IMPG1: variants seen among roughly 807,000 people sequenced by gnomAD.
IMPG1 encodes interphotoreceptor matrix proteoglycan of 150 kDa.
In IMPG1, 85 loss-of-function variants were observed where a neutral mutation model predicts 92.0. That is an observed-to-expected ratio of 0.92 (90% CI 0.78 to 1.11). The LOEUF is 1.11. IMPG1 is among the 50% of genes least tolerant of loss of function. IMPG1 has a pLI of 0.00. For synonymous variants in IMPG1, 367 were observed against 334.1 expected, an observed-to-expected ratio of 1.10 and a Z score of -1.08; for missense variants, 1,022 against 956.0, an observed-to-expected ratio of 1.07 and a Z score of -0.91.
intron 7 of IMPG1, among the ~76,000 whole-genome samples, chr6:76,014,283 C>G (rs1783244795): frequency 6.6e-6 from 1 of 152,194 alleles, no homozygotes; most frequent in South Asian, 2.1e-4. Context: ...CAAGTGAGCA[C>G]ACGGCATGGA....
At chr6:76,024,440 G>C (rs1332504840) in intron 5 of IMPG1, among the ~76,000 whole-genome samples, 2 of 152,076 alleles carry the variant, frequency 1.3e-5, no homozygotes, top group Admixed American at 6.5e-5. Flanking sequence ...ATACATGAAA[G>C]AGAAATTTCA....
At chr6:76,005,249 A>G (rs1783073145) in intron 10 of IMPG1, 38 bp downstream of exon 10, 1 of 1,599,222 alleles carries the variant, frequency 6.3e-7, no homozygotes, top group Non-Finnish European at 8.5e-7. Context: ...CTCTGCCAAA[A>G]TGAGAATAAA....
chr6:76,024,623 A>T (rs1212116126), intron 5 of IMPG1, among the ~76,000 whole-genome samples: 3 of 151,810 alleles, frequency 2.0e-5, no homozygotes, highest in Non-Finnish European at 2.9e-5. Flanking sequence ...GGCAAAATTT[A>T]TTAAAAGCCT....
At chr6:75,927,639 T>C (rs916362486) in intron 15 of IMPG1, among the ~76,000 whole-genome samples, 1 of 151,990 alleles carries the variant, frequency 6.6e-6, no homozygotes, top group Non-Finnish European at 1.5e-5. Flanking sequence ...TAAAAAGGAA[T>C]ATTCAGGAAG....
At chr6:76,009,731 T>C (rs1783152917) in intron 8 of IMPG1, among the ~76,000 whole-genome samples, 1 of 152,240 alleles carries the variant, frequency 6.6e-6, no homozygotes, top group Non-Finnish European at 1.5e-5. Flanking sequence ...GATATATCTT[T>C]AAAATATTTA....
chr6:76,061,139 C>T (rs560486409), intron 1 of IMPG1, among the ~76,000 whole-genome samples: 9 of 152,110 alleles, frequency 5.9e-5, no homozygotes, highest in Non-Finnish European at 1.3e-4. Flanking sequence ...ATGCAATAGT[C>T]CCTTAGTGAC....
At chr6:75,944,110 CTGATTACATGGG>C (rs1364982084) in intron 14 of IMPG1, among the ~76,000 whole-genome samples, 1 of 152,190 alleles carries the variant, frequency 6.6e-6, no homozygotes, top group Non-Finnish European at 1.5e-5. Context: ...TGCCCACTTC[CTGATTACATGGG>C]TGAACCCAGC....
intron 6 of IMPG1, among the ~76,000 whole-genome samples, chr6:76,019,185 T>C (rs542823830): frequency 6.6e-6 from 1 of 152,280 alleles, no homozygotes; most frequent in Non-Finnish European, 1.5e-5. Flanking sequence ...GGATCTGGAC[T>C]TGGTCTCCAT....
chr6:76,004,101 G>A, intron 10 of IMPG1, 151 bp from the exon 11 acceptor site: 1 of 604,966 alleles, frequency 1.7e-6, no homozygotes, highest in Non-Finnish European at 2.9e-6. Flanking sequence ...ATAGAAAAAA[G>A]GTCATTAATC....
rs1270631938 is a variant in IMPG1, at chr6:76,022,144, G to C, written c.638C>G (p.Thr213Arg). The C allele has an allele frequency of 6.3e-7, 1 of 1,592,568 alleles. No individual in the cohort carries two copies. The highest frequency in any genetic ancestry group is 8.6e-7 in the Non-Finnish European group (1 of 1,164,558). ...TGTAGGCATCTTGGTGTCGTTGAGT[G>C]TATTATCGAGAATTTCATTGAGGAG... ...DTLLNEILDNTLNDTKMPTTE... is the reference protein window; with the variant it reads ...DTLLNEILDNRLNDTKMPTTE... The change falls in exon 6 of 17, where the codon ACA (threonine) becomes AGA (arginine). Residue 213 changes from threonine (T) to arginine (R), a missense_variant. Coordinates refer to ENST00000369950, the MANE Select transcript of IMPG1 (RefSeq NM_001563.4).
At chr6:75,929,295 A>G (rs1056506151) in intron 15 of IMPG1, among the ~76,000 whole-genome samples, 9 of 152,042 alleles carry the variant, frequency 5.9e-5, no homozygotes, top group African/African-American at 2.2e-4. Context: ...AATTCAAATG[A>G]TATCTCCTAA....
intron 7 of IMPG1, 74 bp from the exon 8 acceptor site, chr6:76,011,298 A>G: frequency 1.3e-6 from 1 of 746,416 alleles, no homozygotes; most frequent in East Asian, 2.5e-5. Context: ...GAAAAACCTG[A>G]ACACTTTTGA....
At chr6:76,066,584 C>T (rs1562390646) in intron 1 of IMPG1, among the ~76,000 whole-genome samples, 1 of 152,008 alleles carries the variant, frequency 6.6e-6, no homozygotes, top group Non-Finnish European at 1.5e-5. Context: ...ACAAAAGAGG[C>T]AGCAATACAA....
At chr6:75,938,053 G>C (rs1284501066) in intron 14 of IMPG1, among the ~76,000 whole-genome samples, 2 of 152,212 alleles carry the variant, frequency 1.3e-5, no homozygotes, top group Non-Finnish European at 2.9e-5. Flanking sequence ...CGGTTTTTCA[G>C]TTGATAAATC....
At chr6:75,976,363 A>C (rs1782532656) in intron 12 of IMPG1, among the ~76,000 whole-genome samples, 1 of 152,098 alleles carries the variant, frequency 6.6e-6, no homozygotes, top group African/African-American at 2.4e-5. Flanking sequence ...GGAGTTTAAG[A>C]CCAGCCTGAG....
In IMPG1 at chr6:75,947,516, T is replaced by G. The variant is rs556959981; in HGVS notation, c.1842A>C (p.Arg614=). The G allele has an allele frequency of 3.7e-5, 60 of 1,613,338 alleles. No homozygotes were observed. The Middle Eastern group carries it at 8.3e-4, about 22-fold the overall frequency. Residue 614 remains arginine, a synonymous_variant, in exon 14 of 17, where the codon CGA becomes CGC. Coordinates refer to ENST00000369950, the MANE Select transcript of IMPG1 (RefSeq NM_001563.4). ...GTTGCTTAAATCCTGTAAGATTGGA[T>G]CGTAGATATGGAACCAGCTGCAAAA... ...QFTQLLVPYL[R]SNLTGFKQLE...
intron 12 of IMPG1, among the ~76,000 whole-genome samples, chr6:75,994,226 C>T (rs1390709616): frequency 6.6e-6 from 1 of 152,220 alleles, no homozygotes; most frequent in East Asian, 1.9e-4. Context: ...AATGAAACCT[C>T]TAAATCAGGA....
At chr6:76,045,143 C>T (rs1783915498) in intron 1 of IMPG1, among the ~76,000 whole-genome samples, 1 of 152,170 alleles carries the variant, frequency 6.6e-6, no homozygotes, top group Non-Finnish European at 1.5e-5. Flanking sequence ...AAATGTGTCC[C>T]TGTTTGGGAA....
intron 12 of IMPG1, among the ~76,000 whole-genome samples, chr6:75,989,121 C>T (rs1196684814): frequency 6.6e-6 from 1 of 152,148 alleles, no homozygotes; most frequent in Non-Finnish European, 1.5e-5. Flanking sequence ...CAAGGTCTCA[C>T]ACTGTTGCCC....
Sources: gnomAD v4.1 joint callset for allele counts (sites outside exome capture counted in the v4.1 genomes callset) on GRCh38, gnomAD v4.1.1 for gene constraint, MANE v1.5 for transcripts, NCBI Gene and HGNC (gene_info 2026-07-23, HGNC 2026-07-21) for gene names.